Variants in CBL observed in about 807,000 individuals in gnomAD.
The protein encoded by CBL is E3 ubiquitin-protein ligase CBL.
In CBL, 45 loss-of-function variants were observed where a neutral mutation model predicts 96.9. The observed-to-expected ratio is 0.46, with a 90% confidence interval of 0.37 to 0.60. CBL has a LOEUF of 0.60. Ranked by LOEUF, CBL falls within the 20% of genes least tolerant of loss-of-function variation. CBL has a pLI of 0.00. For missense variants in CBL, 1,024 were observed against 1,143.5 expected (o/e 0.90, Z 1.51); for synonymous variants, 420 against 426.8 (o/e 0.98, Z 0.20).
intron 9 of CBL, among the ~76,000 whole-genome samples, chr11:119,279,171 C>T (rs1366479990): frequency 6.6e-6 from 1 of 151,554 alleles, no homozygotes; most frequent in African/African-American, 2.4e-5. Flanking sequence ...AGTTCTGTTC[C>T]CTTTTTTTTT....
At chr11:119,246,580 T>C (rs769488984) in intron 2 of CBL, among the ~76,000 whole-genome samples, 7 of 152,088 alleles carry the variant, frequency 4.6e-5, no homozygotes, top group Non-Finnish European at 7.4e-5. Flanking sequence ...GCCTCCCGAG[T>C]AGCTGGGACT....
At chr11:119,238,396 G>C (rs998163799) in intron 2 of CBL, among the ~76,000 whole-genome samples, 9 of 151,866 alleles carry the variant, frequency 5.9e-5, no homozygotes, top group Non-Finnish European at 1.0e-4. Context: ...TTTTAGTAGG[G>C]ATGGGGCTTT....
In CBL at chr11:119,220,151, C is replaced by T. The variant is rs533914338; in HGVS notation, c.196-12297C>T. Among the ~76,000 whole-genome samples the T allele has an allele frequency of 9.0e-4, 137 of 151,974 alleles. 1 individual carries two copies. The highest frequency in any genetic ancestry group is 3.2e-3 in the African/African-American group (131 of 41,466). Reference sequence around the variant, plus strand: ...GATTACAGGTGTGAGCCACTGCACCCGGCCATGCCTGGCTAATTTTTGTAT... The same window carrying T: ...GATTACAGGTGTGAGCCACTGCACCTGGCCATGCCTGGCTAATTTTTGTAT... On this transcript the variant is annotated intron_variant, in intron 1 of 15. Transcript: ENST00000264033.
At chr11:119,247,684 G>C (rs1949642867) in intron 2 of CBL, among the ~76,000 whole-genome samples, 1 of 152,122 alleles carries the variant, frequency 6.6e-6, no homozygotes, top group South Asian at 2.1e-4. Context: ...GGTGATGGGG[G>C]CCTGTAATCC....
chr11:119,209,782 T>C (rs1302191242), intron 1 of CBL, among the ~76,000 whole-genome samples: 1 of 152,230 alleles, frequency 6.6e-6, no homozygotes, highest in Non-Finnish European at 1.5e-5. Flanking sequence ...GTCTCTTTCC[T>C]TCCCCCAATA....
intron 12 of CBL, among the ~76,000 whole-genome samples, chr11:119,291,577 G>A (rs1446043817): frequency 6.6e-6 from 1 of 152,096 alleles, no homozygotes; most frequent in Non-Finnish European, 1.5e-5. Flanking sequence ...GCATGGTGGT[G>A]CACACCTGTG....
intron 9 of CBL, among the ~76,000 whole-genome samples, chr11:119,282,416 C>G (rs34076441): frequency 0.048 from 7,354 of 152,006 alleles, 594 homozygotes; most frequent in African/African-American, 0.17. Flanking sequence ...TAGTTCAACC[C>G]TCTGTGCCTA....
Position 119,299,606 on chromosome 11 carries a change from C to A in CBL, c.2546C>A (p.Ser849Tyr). The change falls in exon 16 of 16, where the codon TCT (serine) becomes TAT (tyrosine). Residue 849 changes from serine (S) to tyrosine (Y), a missense_variant. By Grantham distance (144) the Ser-to-Tyr change is moderately radical. Around this residue, in one of 4 missense-constraint regions of CBL, gnomAD observed 695 missense variants for 661.6 expected, o/e 1.05. Transcript: ENST00000264033. ...SCQQGSGPAA[S>Y]AATASPQLSS... Reference sequence around the variant, plus strand: ...CAGCAAGGTAGTGGTCCTGCCGCCTCTGCTGCCACCGCCTCACCTCAGCTC... The same window carrying A: ...CAGCAAGGTAGTGGTCCTGCCGCCTATGCTGCCACCGCCTCACCTCAGCTC... 1 of 1,614,228 alleles carries A rather than the reference C, an allele frequency of 6.2e-7. No homozygotes were observed. Among genetic ancestry groups the A allele is most frequent in the Non-Finnish European group, 8.5e-7 (1 of 1,180,046 alleles).
intron 2 of CBL, among the ~76,000 whole-genome samples, chr11:119,244,457 G>A (rs748623739): frequency 5.5e-4 from 82 of 150,232 alleles, no homozygotes; most frequent in African/African-American, 1.8e-3. Context: ...TCACTCTGCC[G>A]TGCAGGCTGG....
intron 1 of CBL, among the ~76,000 whole-genome samples, chr11:119,212,471 C>G (rs1316438442): frequency 6.7e-6 from 1 of 150,366 alleles, no homozygotes; most frequent in Non-Finnish European, 1.5e-5. Flanking sequence ...ACTAAAAATA[C>G]AAAAATTAGC....
chr11:119,251,315 A>G (rs1949668230), intron 2 of CBL, among the ~76,000 whole-genome samples: 1 of 152,214 alleles, frequency 6.6e-6, no homozygotes, highest in African/African-American at 2.4e-5. Context: ...TCAGAGAGTT[A>G]GATTAACATA....
intron 11 of CBL, among the ~76,000 whole-genome samples, chr11:119,286,584 T>A (rs1406405274): frequency 1.3e-5 from 2 of 152,102 alleles, no homozygotes; most frequent in Non-Finnish European, 2.9e-5. Context: ...TTATTTTAAG[T>A]AGAGCAGAAA....
Position 119,300,805 on chromosome 11 carries a change from A to G in CBL, c.*1024A>G, listed in dbSNP as rs778007027. On this transcript the variant is annotated 3_prime_UTR_variant, in exon 16 of 16. Transcript: ENST00000264033. ...TTCTACTTAATGGGAAGGGAAGAACATTTGTTTCCAGGATGACTTTCTGGC... is the reference window on the plus strand; with the variant it reads ...TTCTACTTAATGGGAAGGGAAGAACGTTTGTTTCCAGGATGACTTTCTGGC... 7.8e-5 allele frequency: 29 copies of G among 372,380 alleles called. No homozygotes were observed. The highest frequency in any genetic ancestry group is 6.8e-4 in the Middle Eastern group (1 of 1,466). The allele number at this position is 372,380 out of a possible 1,614,324, so 23.1% of individuals were successfully genotyped here.
chr11:119,282,909 C>A (rs1053460283), intron 9 of CBL, among the ~76,000 whole-genome samples: 1 of 152,054 alleles, frequency 6.6e-6, no homozygotes, highest in African/African-American at 2.4e-5. Flanking sequence ...CATGACAAGA[C>A]CCCGTCTACC....
At chr11:119,216,267 C>T (rs1183700057) in intron 1 of CBL, among the ~76,000 whole-genome samples, 2 of 152,204 alleles carry the variant, frequency 1.3e-5, no homozygotes, top group Non-Finnish European at 2.9e-5. Flanking sequence ...AAAATGAGGC[C>T]AATTCATTGG....
At chr11:119,274,267 C>T (rs547068982) in intron 4 of CBL, among the ~76,000 whole-genome samples, 3 of 151,984 alleles carry the variant, frequency 2.0e-5, no homozygotes, top group Non-Finnish European at 2.9e-5. Context: ...TCACATCTTT[C>T]CTTGTTATTG....
rs1950093176 is a variant in CBL, at chr11:119,300,352, A to G, written c.*571A>G. 4.9e-6 allele frequency: 2 copies of G among 406,950 alleles called. No individual in the cohort carries two copies. Among genetic ancestry groups the G allele is most frequent in the Non-Finnish European group, 8.7e-6 (2 of 230,536 alleles). 25.2% of individuals were successfully genotyped at this position (406,950 alleles called of 1,614,324 possible). A position where few individuals can be genotyped will look rare whatever the true frequency, so the allele number is the denominator to read the frequency against. ...CTTTGGCTTATATTACCATGTGCAT[A>G]GCTAAAGTCTTCTATTTTTAGAACA... On this transcript the variant is annotated 3_prime_UTR_variant, in exon 16 of 16. Coordinates refer to ENST00000264033, the MANE Select transcript of CBL (RefSeq NM_005188.4).
intron 2 of CBL, among the ~76,000 whole-genome samples, chr11:119,253,743 T>A (rs989188123): frequency 6.7e-6 from 1 of 150,234 alleles, no homozygotes; most frequent in Non-Finnish European, 1.5e-5. Context: ...GAGGCTGATT[T>A]GGGAAGATGC....
intron 1 of CBL, among the ~76,000 whole-genome samples, chr11:119,227,106 T>C (rs1325525436): frequency 6.6e-6 from 1 of 152,156 alleles, no homozygotes; most frequent in East Asian, 1.9e-4. Flanking sequence ...GAAACTGCGC[T>C]TTGAATATCC....
Sources: gnomAD v4.1 joint callset for allele counts (sites outside exome capture counted in the v4.1 genomes callset) on GRCh38, gnomAD v4.1.1 for gene constraint, gnomAD v4.1.1 regional missense constraint, MANE v1.5 for transcripts, NCBI Gene and HGNC (gene_info 2026-07-23, HGNC 2026-07-21) for gene names.